The following C2orf76 variants were observed in gnomAD, a reference collection of about 807,000 sequenced individuals.
The protein encoded by C2orf76 is UPF0538 protein C2orf76.
Under a neutral mutation model 16.9 loss-of-function variants are expected in C2orf76, and 23 were observed. The observed-to-expected ratio is 1.36, with a 90% CI of 0.98 to 1.93. The LOEUF (loss-of-function observed/expected upper bound fraction) is 1.93, where lower values mean the gene tolerates loss of function less well. Among genes scored for constraint, C2orf76 ranks in the 30% most tolerant of loss-of-function variants. The pLI is 0.00. For missense variants in C2orf76, 152 were observed against 152.6 expected, an observed-to-expected ratio of 1.00 and a Z score of 0.02; for synonymous variants, 48 against 52.3, an observed-to-expected ratio of 0.92 and a Z score of 0.35.
intron 4 of C2orf76, among the ~76,000 whole-genome samples, chr2:119,314,372 G>A (rs563927468): frequency 6.6e-6 from 1 of 151,868 alleles, no homozygotes; most frequent in Non-Finnish European, 1.5e-5. Flanking sequence ...AATCCAAGGG[G>A]TATTTATTTT....
intron 2 of C2orf76, among the ~76,000 whole-genome samples, chr2:119,334,149 T>G (rs919428019): frequency 1.5e-4 from 23 of 152,076 alleles, no homozygotes; most frequent in Non-Finnish European, 4.4e-5. Context: ...ACATACTGTA[T>G]GATTCCAATT....
chr2:119,319,965 C>T (rs1294779328), intron 3 of C2orf76, among the ~76,000 whole-genome samples: 1 of 152,170 alleles, frequency 6.6e-6, no homozygotes, highest in Non-Finnish European at 1.5e-5. Context: ...TCTATCAAAA[C>T]TCGAGTGGTT....
At chr2:119,352,250 C>CATATATAAA (rs1680430962) in intron 1 of C2orf76, among the ~76,000 whole-genome samples, 1 of 152,232 alleles carries the variant, frequency 6.6e-6, no homozygotes, top group Non-Finnish European at 1.5e-5. Flanking sequence ...AGCATATATA[C>CATATATAAA]TCCCTAAATT....
intron 4 of C2orf76, among the ~76,000 whole-genome samples, chr2:119,316,950 G>C (rs1679190812): frequency 6.6e-6 from 1 of 152,208 alleles, no homozygotes; most frequent in African/African-American, 2.4e-5. Flanking sequence ...CTCTCTTTGG[G>C]AAAGGTAAGA....
chr2:119,327,846 A>G (rs1573646232), intron 2 of C2orf76, among the ~76,000 whole-genome samples: 1 of 152,070 alleles, frequency 6.6e-6, no homozygotes, highest in African/African-American at 2.4e-5. Context: ...ACAGAGTCAT[A>G]ATGTATTATC....
In C2orf76 at chr2:119,366,821, G is replaced by A. The variant is rs182930475; in HGVS notation, c.-44C>T. 1,257 of 591,446 alleles carry A rather than the reference G, an allele frequency of 2.1e-3. 9 individuals carry two copies. In the East Asian group the frequency reaches 0.025, roughly 12 times the overall value. 36.6% of individuals were successfully genotyped at this position (591,446 alleles called of 1,614,324 possible). The stretch of plus-strand genomic sequence containing the variant: ...CCGGCGTCCCCTTCGGCTACTCCCG[G>A]CGTTTGCGCAAGCGGTCCCACGTGG... On this transcript the variant is annotated 5_prime_UTR_variant, in exon 1 of 6. Coordinates refer to ENST00000334816, the MANE Select transcript of C2orf76 (RefSeq NM_001322331.2).
intron 1 of C2orf76, among the ~76,000 whole-genome samples, chr2:119,341,879 G>A (rs150949376): frequency 4.6e-5 from 7 of 152,264 alleles, no homozygotes; most frequent in Non-Finnish European, 1.0e-4. Context: ...CAAGGGTAGA[G>A]AACAATGAAA....
At chr2:119,299,167 CT>C (rs1346188449), downstream of C2orf76, among the ~76,000 whole-genome samples, 4 of 152,272 alleles carry the variant, frequency 2.6e-5, no homozygotes, top group Non-Finnish European at 5.9e-5. Flanking sequence ...ATCTTCCCGC[CT>C]CAGCCTCCCA....
the C2orf76 span, among the ~76,000 whole-genome samples, chr2:119,285,783 T>C: frequency 6.6e-6 from 1 of 152,184 alleles, no homozygotes; most frequent in Non-Finnish European, 1.5e-5. Context: ...GTATATGGTA[T>C]AGCAAGGAAA....
At chr2:119,333,348 A>G (rs186885353) in intron 2 of C2orf76, among the ~76,000 whole-genome samples, 1 of 152,362 alleles carries the variant, frequency 6.6e-6, no homozygotes, top group African/African-American at 2.4e-5. Context: ...AATAAATGCT[A>G]AAACCATAAG....
chr2:119,334,444 T>C (rs909381296), intron 2 of C2orf76, among the ~76,000 whole-genome samples: 24 of 148,024 alleles, frequency 1.6e-4, no homozygotes, highest in Admixed American at 6.7e-4. Flanking sequence ...TCCAGCACTT[T>C]GGGAGGCCGA....
intron 3 of C2orf76, 146 bp from the exon 4 acceptor site, chr2:119,317,649 C>T (rs1679215204): frequency 2.0e-6 from 1 of 499,232 alleles, no homozygotes; most frequent in South Asian, 4.2e-5. Flanking sequence ...TACTATACAG[C>T]AAAAGAAAAA....
intron 1 of C2orf76, among the ~76,000 whole-genome samples, chr2:119,341,316 C>T (rs1242590528): frequency 6.6e-6 from 1 of 152,156 alleles, no homozygotes; most frequent in East Asian, 1.9e-4. Context: ...GCAACACTTT[C>T]TGTTATATAT....
At chr2:119,352,428 T>C (rs565088893) in intron 1 of C2orf76, among the ~76,000 whole-genome samples, 1 of 152,342 alleles carries the variant, frequency 6.6e-6, no homozygotes, top group South Asian at 2.1e-4. Flanking sequence ...TCTTACTATG[T>C]AAACAAGCTG....
downstream of C2orf76, among the ~76,000 whole-genome samples, chr2:119,298,752 A>C (rs193232620): frequency 1.8e-4 from 28 of 152,228 alleles, no homozygotes; most frequent in Admixed American, 1.0e-3. Flanking sequence ...TTTGTGAACA[A>C]TACATTTTAG....
intron 2 of C2orf76, among the ~76,000 whole-genome samples, chr2:119,326,500 T>A (rs1362124710): frequency 6.6e-6 from 1 of 152,190 alleles, no homozygotes; most frequent in African/African-American, 2.4e-5. Context: ...GGTAGTGTAA[T>A]TTCTTCAACT....
chr2:119,298,566 T>C (rs1310249731), downstream of C2orf76, among the ~76,000 whole-genome samples: 1 of 152,106 alleles, frequency 6.6e-6, no homozygotes, highest in East Asian at 1.9e-4. Flanking sequence ...TATTCTTGCA[T>C]ATTCTTCTTC....
rs969390630 is a variant in C2orf76, at chr2:119,311,502, A to T, written c.304+120T>A. On this transcript the variant is annotated intron_variant, in intron 5 of 5. Transcript: ENST00000334816. ...CTCCTCCTCTGAACAGTTACCGGGC[A>T]GTGTCAGGGGGACCAAGGACAGCAT... 5.5e-6 allele frequency: 8 copies of T among 1,453,526 alleles called. No homozygotes were observed. The African/African-American group carries it at 1.1e-4, about 21-fold the overall frequency. 90.0% of individuals were successfully genotyped at this position (1,453,526 alleles called of 1,614,324 possible).
intron 5 of C2orf76, among the ~76,000 whole-genome samples, chr2:119,304,590 T>C (rs1038214343): frequency 6.6e-6 from 1 of 152,228 alleles, no homozygotes; most frequent in Non-Finnish European, 1.5e-5. Context: ...GCACTTGTTT[T>C]CAGGAAATCT....
Sources: allele counts gnomAD v4.1 joint callset (sites outside exome capture counted in the v4.1 genomes callset), GRCh38; gene constraint gnomAD v4.1.1; transcripts MANE v1.5; gene names NCBI Gene and HGNC (gene_info 2026-07-23, HGNC 2026-07-21).